Variants in GPHN observed in about 807,000 individuals in gnomAD.
GPHN encodes gephyrin.
GPHN carries 17 observed loss-of-function variants against 95.5 expected under a neutral mutation model. That is an observed-to-expected ratio of 0.18 (90% CI 0.12 to 0.27). GPHN has a LOEUF of 0.27. GPHN is among the 10% of genes least tolerant of loss of function. The probability of loss-of-function intolerance (pLI) is 1.00; values close to 1 mark genes in which losing one functional copy is unlikely to be tolerated. For synonymous variants in GPHN, 320 were observed against 322.5 expected (o/e 0.99, Z 0.08); for missense variants, 660 against 978.1 (o/e 0.67, Z 4.34).
the GPHN span, chr14:67,559,713 G>A: frequency 7.9e-5 from 121 of 1,532,722 alleles, no homozygotes; most frequent in African/African-American, 1.5e-3. Flanking sequence ...ACTCATCTTG[G>A]AGGCCTGCCA....
chr14:67,621,055 TTG>T, the GPHN span: 2 of 1,290,292 alleles, frequency 1.6e-6, no homozygotes, highest in South Asian at 1.2e-5. Flanking sequence ...CTACACAGCT[TTG>T]TGTTTGGGAA....
intron 2 of GPHN, among the ~76,000 whole-genome samples, chr14:66,690,921 C>T (rs1166897971): frequency 7.9e-5 from 12 of 152,192 alleles, no homozygotes; most frequent in Non-Finnish European, 4.4e-5. Context: ...TGACATTTGA[C>T]TGTAATGAGT....
At chr14:66,973,214 C>T (rs1215464587) in intron 9 of GPHN, among the ~76,000 whole-genome samples, 1 of 151,628 alleles carries the variant, frequency 6.6e-6, no homozygotes, top group East Asian at 1.9e-4. Context: ...CCAATGACTA[C>T]CGGTACCATG....
chr14:67,458,372 G>A, the GPHN span, among the ~76,000 whole-genome samples: 1 of 152,166 alleles, frequency 6.6e-6, no homozygotes, highest in African/African-American at 2.4e-5. Context: ...TTCAACAAAT[G>A]TTTATTGAGC....
At chr14:67,164,270 CAAAAAAAA>C (rs780524695) in intron 19 of GPHN, among the ~76,000 whole-genome samples, 3 of 46,624 alleles carry the variant, frequency 6.4e-5, no homozygotes, top group Admixed American at 2.9e-4. Context: ...ACTCCATCTC[CAAAAAAAA>C]AAAAAAAAAA....
intron 2 of GPHN, among the ~76,000 whole-genome samples, chr14:66,681,666 A>G (rs187953108): frequency 6.6e-6 from 1 of 152,206 alleles, no homozygotes. Flanking sequence ...AGTTTGATAG[A>G]TTTCAGTTTT....
At chr14:67,475,879 T>C in the GPHN span, among the ~76,000 whole-genome samples, 1 of 152,258 alleles carries the variant, frequency 6.6e-6, no homozygotes, top group African/African-American at 2.4e-5. Context: ...TTGAGGTATG[T>C]GCTCTCATGA....
At chr14:67,333,994 AATAG>A in the GPHN span, 1 of 152,612 alleles carries the variant, frequency 6.6e-6, no homozygotes, top group African/African-American at 2.4e-5. Flanking sequence ...ATTAATATTT[AATAG>A]ATCAACAAAT....
chr14:67,486,071 A>C, the GPHN span, among the ~76,000 whole-genome samples: 2 of 152,184 alleles, frequency 1.3e-5, no homozygotes, highest in African/African-American at 4.8e-5. Context: ...GCCAAAGTAG[A>C]TGCTGTTTCC....
At chr14:66,886,017 GA>G (rs1265942586) in intron 5 of GPHN, among the ~76,000 whole-genome samples, 1 of 151,968 alleles carries the variant, frequency 6.6e-6, no homozygotes, top group African/African-American at 2.4e-5. Flanking sequence ...ATGAAATGGA[GA>G]ACTTACTAGA....
chr14:67,460,738 C>T, the GPHN span, among the ~76,000 whole-genome samples: 6 of 152,074 alleles, frequency 3.9e-5, no homozygotes, highest in Admixed American at 3.9e-4. Context: ...CTCTTTACCC[C>T]ATGTAGTAGG....
intron 4 of GPHN, among the ~76,000 whole-genome samples, chr14:66,866,213 T>G (rs944277605): frequency 6.6e-6 from 1 of 152,146 alleles, no homozygotes; most frequent in Non-Finnish European, 1.5e-5. Context: ...TTCCTGAACT[T>G]TTTTCCTCCA....
intron 16 of GPHN, among the ~76,000 whole-genome samples, chr14:67,118,084 T>C (rs983537850): frequency 6.6e-6 from 1 of 152,058 alleles, no homozygotes; most frequent in Admixed American, 6.6e-5. Flanking sequence ...GAAAAATAAT[T>C]TTTCCTCTAC....
chr14:66,612,508 T>C (rs1239568980), intron 1 of GPHN, among the ~76,000 whole-genome samples: 3 of 152,088 alleles, frequency 2.0e-5, no homozygotes, highest in Non-Finnish European at 4.4e-5. Flanking sequence ...CAAGTTATCG[T>C]TATGACATTC....
chr14:67,004,766 C>A (rs1168858140), intron 9 of GPHN, among the ~76,000 whole-genome samples: 2 of 151,650 alleles, frequency 1.3e-5, no homozygotes, highest in African/African-American at 4.8e-5. Flanking sequence ...CTTTAAAATG[C>A]CGTAATACCT....
the GPHN span, among the ~76,000 whole-genome samples, chr14:67,656,906 G>C: frequency 6.6e-6 from 1 of 152,148 alleles, no homozygotes; most frequent in Non-Finnish European, 1.5e-5. Flanking sequence ...TGTGCCTCCT[G>C]GACTATCAAC....
At chr14:66,593,727 A>C (rs1228837562) in intron 1 of GPHN, among the ~76,000 whole-genome samples, 1 of 152,178 alleles carries the variant, frequency 6.6e-6, no homozygotes, top group Non-Finnish European at 1.5e-5. Flanking sequence ...TATGCTCAGC[A>C]CTGAAAAGTT....
the GPHN span, among the ~76,000 whole-genome samples, chr14:67,389,333 G>A: frequency 6.6e-6 from 1 of 152,150 alleles, no homozygotes; most frequent in Non-Finnish European, 1.5e-5. Context: ...GGGAGGACAG[G>A]AGAGTCCTGT....
At chr14:67,294,172 A>G in the GPHN span, among the ~76,000 whole-genome samples, 3 of 152,326 alleles carry the variant, frequency 2.0e-5, no homozygotes, top group African/African-American at 7.2e-5. Flanking sequence ...AAAGTACTGT[A>G]TAAAGGAGAT....
Sources: allele counts gnomAD v4.1 joint callset (sites outside exome capture counted in the v4.1 genomes callset), GRCh38; gene constraint gnomAD v4.1.1; transcripts MANE v1.5; gene names NCBI Gene and HGNC (gene_info 2026-07-23, HGNC 2026-07-21).